NEK10: variants seen among roughly 807,000 people sequenced by gnomAD.
The protein encoded by NEK10 is NIMA related kinase 10.
Under a neutral mutation model 159.8 loss-of-function variants are expected in NEK10, and 122 were observed. The observed-to-expected ratio is 0.76, with a 90% CI of 0.66 to 0.89. NEK10 has a LOEUF of 0.89. NEK10 is among the 40% of genes least tolerant of loss of function. The pLI is 0.00. For missense variants in NEK10, 1,342 were observed against 1,323.1 expected, an observed-to-expected ratio of 1.01 and a Z score of -0.22; for synonymous variants, 466 against 457.1, an observed-to-expected ratio of 1.02 and a Z score of -0.25.
chr3:27,124,081 A>G (rs1941650405), intron 32 of NEK10, among the ~76,000 whole-genome samples: 1 of 152,016 alleles, frequency 6.6e-6, no homozygotes, highest in African/African-American at 2.4e-5. Flanking sequence ...GTAATACACA[A>G]AACAGTTTAA....
intron 23 of NEK10, among the ~76,000 whole-genome samples, chr3:27,235,151 C>T (rs1227892614): frequency 6.6e-6 from 1 of 152,052 alleles, no homozygotes; most frequent in African/African-American, 2.4e-5. Context: ...AAACCCAAAA[C>T]TATAAAAACC....
intron 30 of NEK10, among the ~76,000 whole-genome samples, chr3:27,148,440 T>C (rs1289189551): frequency 6.6e-6 from 1 of 152,196 alleles, no homozygotes; most frequent in Non-Finnish European, 1.5e-5. Flanking sequence ...GATGTCCATA[T>C]GTATGTCCAA....
chr3:27,124,248 AACT>A (rs1258627186), intron 32 of NEK10, among the ~76,000 whole-genome samples: 1 of 152,176 alleles, frequency 6.6e-6, no homozygotes, highest in African/African-American at 2.4e-5. Context: ...AATGCTTAAT[AACT>A]ATTAGTCTGA....
chr3:27,252,957 A>C (rs776405929), intron 23 of NEK10: 3 of 493,842 alleles, frequency 6.1e-6, no homozygotes, highest in Non-Finnish European at 1.2e-5. Flanking sequence ...AATTCTCAAA[A>C]TTTTGAGTGT....
At chr3:27,294,773 A>G (rs551209598) in intron 15 of NEK10, among the ~76,000 whole-genome samples, 31 of 151,316 alleles carry the variant, frequency 2.0e-4, no homozygotes, top group Non-Finnish European at 1.2e-4. Context: ...GACTTGGGGG[A>G]AAAAAAAAGA....
intron 32 of NEK10, among the ~76,000 whole-genome samples, chr3:27,129,298 T>C (rs1942340993): frequency 6.6e-6 from 1 of 152,166 alleles, no homozygotes; most frequent in Non-Finnish European, 1.5e-5. Flanking sequence ...CATCCCATAA[T>C]GGCTCCTTCA....
At chr3:27,357,073 T>C (rs572394643) in intron 1 of NEK10, among the ~76,000 whole-genome samples, 1 of 152,318 alleles carries the variant, frequency 6.6e-6, no homozygotes, top group South Asian at 2.1e-4. Context: ...TGGTGCTCCT[T>C]CTCGATGCCC....
At chr3:27,309,479 G>T (rs1371696276) in intron 9 of NEK10, 1 of 152,232 alleles carries the variant, frequency 6.6e-6, no homozygotes, top group Non-Finnish European at 1.5e-5. Flanking sequence ...GATGGCAGGA[G>T]TCCATCTCTC....
At chr3:27,297,329 T>C in intron 13 of NEK10, 89 bp from the exon 14 acceptor site, 1 of 868,468 alleles carries the variant, frequency 1.2e-6, no homozygotes, top group Non-Finnish European at 1.8e-6. Flanking sequence ...GGTATTTTTA[T>C]TATTTTGCTA....
At chr3:27,131,805 T>G in intron 32 of NEK10, 75 bp downstream of exon 32, 1 of 717,648 alleles carries the variant, frequency 1.4e-6, no homozygotes, top group Non-Finnish European at 2.4e-6. Context: ...AAGTACGAAG[T>G]AAAGGAGGTA....
chr3:27,367,101 T>C (rs970207719), intron 1 of NEK10, among the ~76,000 whole-genome samples: 12 of 152,226 alleles, frequency 7.9e-5, no homozygotes, highest in Non-Finnish European at 1.6e-4. Context: ...TGAGCCACCA[T>C]GCCCAGCCCA....
intron 31 of NEK10, among the ~76,000 whole-genome samples, chr3:27,138,235 T>C (rs981306135): frequency 5.9e-5 from 9 of 152,248 alleles, no homozygotes; most frequent in African/African-American, 1.7e-4. Context: ...TAACTCAGGG[T>C]GGCCTCCCCT....
chr3:27,278,627 G>T, intron 22 of NEK10: 1 of 843,992 alleles, frequency 1.2e-6, no homozygotes, highest in Non-Finnish European at 1.4e-6. Context: ...TCTGTGTCAT[G>T]TACTAAAGTC....
At position 27,291,257 on chromosome 3, in the gene NEK10, G is replaced by A; in HGVS notation, c.1605+5C>T. On this transcript the variant is annotated splice_donor_5th_base_variant and intron_variant, in intron 18 of 35. Coordinates refer to ENST00000691995, the MANE Select transcript of NEK10 (RefSeq NM_001394966.1). ...ATCAGAAATGTTCCCCAAGGGGAAA[G>A]TCACCTTGTAAACACAGCCAAAAGC... The A allele has an allele frequency of 3.1e-6, 5 of 1,609,866 alleles. No individual in the cohort carries two copies. The highest frequency in any genetic ancestry group is 4.2e-6 in the Non-Finnish European group (5 of 1,178,842).
chr3:27,313,747 CT>C lies in NEK10; in HGVS notation c.489+549del, dbSNP rs200440323. On this transcript the variant is annotated intron_variant, in intron 7 of 35. Coordinates refer to ENST00000691995, the MANE Select transcript of NEK10 (RefSeq NM_001394966.1). ...TGTTGTTGTGAGGCGGAGTTTCGCT[CT>C]GTTGCCCAGGCTGGAGTGCAGTGGT... 2.0e-5 allele frequency among the ~76,000 whole-genome samples: 3 copies of C among 152,190 alleles called. No individual in the cohort carries two copies. In the East Asian group the frequency reaches 5.8e-4, roughly 29 times the overall value.
At position 27,311,935 on chromosome 3, in the gene NEK10, G is replaced by C. The variant is rs539109137; in HGVS notation, c.568+164C>G. On this transcript the variant is annotated intron_variant, in intron 8 of 35. Transcript: ENST00000691995. ...TAATCTAAACATCTTTCTTCTGGCTGTATGTTGCCACTGAATATAACAATT... is the reference window on the plus strand; with the variant it reads ...TAATCTAAACATCTTTCTTCTGGCTCTATGTTGCCACTGAATATAACAATT... 5.0e-6 allele frequency: 3 copies of C among 598,708 alleles called. No homozygotes were observed. The East Asian group carries it at 8.9e-5, about 18-fold the overall frequency. 37.1% of individuals were successfully genotyped at this position (598,708 alleles called of 1,614,324 possible). A position where few individuals can be genotyped will look rare whatever the true frequency, so the allele number is the denominator to read the frequency against.
intron 5 of NEK10, among the ~76,000 whole-genome samples, chr3:27,333,097 C>A (rs1298121584): frequency 6.6e-6 from 1 of 151,844 alleles, no homozygotes; most frequent in Admixed American, 6.6e-5. Flanking sequence ...GCAGGCAATA[C>A]CTAAAGTAAA....
rs192327158 is a variant in NEK10 at position 27,202,192 on chromosome 3, C to T, written c.2220+236G>A. Among the ~76,000 whole-genome samples, 7 of 151,520 alleles carry T rather than the reference C, an allele frequency of 4.6e-5. No homozygotes were observed. The East Asian group carries it at 7.7e-4, about 17-fold the overall frequency. ...AATAAATAAATAATAGAAGACCAAA[C>T]GTCTTTTTAAAAATAATTTTGTATT... On this transcript the variant is annotated intron_variant, in intron 24 of 35. Transcript: ENST00000691995.
intron 23 of NEK10, among the ~76,000 whole-genome samples, chr3:27,225,910 G>A (rs1952588248): frequency 6.6e-6 from 1 of 152,130 alleles, no homozygotes; most frequent in African/African-American, 2.4e-5. Flanking sequence ...TATTCATAAG[G>A]TAGGAAGTCC....
Sources: allele counts gnomAD v4.1 joint callset (sites outside exome capture counted in the v4.1 genomes callset), GRCh38; gene constraint gnomAD v4.1.1; transcripts MANE v1.5; gene names NCBI Gene and HGNC (gene_info 2026-07-23, HGNC 2026-07-21).